The following PCDHGA4 variants were observed in gnomAD, a reference collection of about 807,000 sequenced individuals.
PCDHGA4 encodes protocadherin gamma subfamily A, 4.
In PCDHGA4, 38 loss-of-function variants were observed where a neutral mutation model predicts 54.6. The ratio of observed to expected loss-of-function variants is 0.70; its 90% CI spans 0.54 to 0.91. The LOEUF is 0.91. Ranked by LOEUF, PCDHGA4 falls within the 40% of genes least tolerant of loss-of-function variation. The pLI, the probability that PCDHGA4 is intolerant of heterozygous loss-of-function variation, is 0.00. For missense variants in PCDHGA4, 1,298 were observed against 1,220.9 expected (o/e 1.06, Z -0.94); for synonymous variants, 511 against 512.9 (o/e 1.00, Z 0.05).
intron 1 of PCDHGA4, chr5:141,364,702 C>A: frequency 1.2e-6 from 2 of 1,613,920 alleles, no homozygotes; most frequent in Non-Finnish European, 1.7e-6. Flanking sequence ...TAGAAATAAT[C>A]GATATTAATG....
At position 141,418,260 on chromosome 5, in the gene PCDHGA4, G is replaced by C. The variant is rs144490159; in HGVS notation, c.2514+60639G>C. On this transcript the variant is annotated intron_variant, in intron 1 of 3. Transcript: ENST00000571252. Reference sequence around the variant, plus strand: ...GTTAATGACCACGCCCCTCAATTCCGGAAAGATGAAATAAACTTAGAAATC... The same window carrying C: ...GTTAATGACCACGCCCCTCAATTCCCGAAAGATGAAATAAACTTAGAAATC... 2.5e-6 allele frequency: 4 copies of C among 1,613,888 alleles called. No individual in the cohort carries two copies. Among genetic ancestry groups the C allele is most frequent in the South Asian group, 1.1e-5 (1 of 91,088 alleles).
chr5:141,357,542 G>A lies in PCDHGA4; in HGVS notation c.2435G>A (p.Ser812Asn), dbSNP rs149810895. ...SQPSYADTLISRESCEKSEPL... is the reference protein window; with the variant it reads ...SQPSYADTLINRESCEKSEPL... ...CCCAGCTATGCAGACACGCTCATCA[G>A]CCGGGAGAGTTGTGAGAAAAGCGAG... The change falls in exon 1 of 4, where the codon AGC becomes AAC. Residue 812 changes from serine to asparagine, a missense_variant. Ser to Asn is a conservative substitution (Grantham distance 46). Transcript: ENST00000571252. The A allele has an allele frequency of 2.3e-4, 375 of 1,614,210 alleles. No individual in the cohort carries two copies. In the East Asian group the frequency reaches 8.3e-3, roughly 36 times the overall value.
rs773499765 is a variant in PCDHGA4 at position 141,489,626 on chromosome 5, A to T, written c.2515-5181A>T. 6.2e-6 allele frequency: 10 copies of T among 1,613,568 alleles called. No individual in the cohort carries two copies. In the South Asian group the frequency reaches 9.9e-5, roughly 16 times the overall value. On this transcript the variant is annotated intron_variant, in intron 1 of 3. Coordinates refer to ENST00000571252, the MANE Select transcript of PCDHGA4 (RefSeq NM_018917.4). The surrounding 1 kb of genome is among the most constrained non-coding windows in gnomAD (Gnocchi z 4.5). The stretch of plus-strand genomic sequence containing the variant: ...GTAGAGATCCTGGATCTCAATGACA[A>T]CTCTCCTAGCTTTGCCACCCCTGAG...
chr5:141,388,395 C>G (rs1445370262), intron 1 of PCDHGA4: 2 of 1,613,810 alleles, frequency 1.2e-6, no homozygotes, highest in Non-Finnish European at 8.5e-7. Flanking sequence ...GCAGAATTAC[C>G]AACTCAGTCC....
chr5:141,388,314 G>A (rs752079289), intron 1 of PCDHGA4: 4 of 1,613,824 alleles, frequency 2.5e-6, no homozygotes, highest in South Asian at 1.1e-5. Context: ...GCAAATAAGT[G>A]AGTCTGCACA....
chr5:141,386,866 A>G (rs2150322529), intron 1 of PCDHGA4, among the ~76,000 whole-genome samples: 1 of 152,364 alleles, frequency 6.6e-6, no homozygotes, highest in East Asian at 1.9e-4. Context: ...AGCTATTGCA[A>G]TCAAACTTTC....
chr5:141,490,042 G>A lies in PCDHGA4; in HGVS notation c.2515-4765G>A. On this transcript the variant is annotated intron_variant, in intron 1 of 3. Transcript: ENST00000571252. This position sits in a 1 kb window ranked among gnomAD's most constrained non-coding sequence, Gnocchi z 5.4. ...TCTGCTGCTCCGCCTCAATGCCACT[G>A]ATCCAGACGAGGGCACCAACGGCCA... The A allele has an allele frequency of 6.2e-7, 1 of 1,614,266 alleles. No homozygotes were observed. Among genetic ancestry groups the A allele is most frequent in the Non-Finnish European group, 8.5e-7 (1 of 1,180,038 alleles).
chr5:141,472,412 G>A (rs1283620276), intron 1 of PCDHGA4, among the ~76,000 whole-genome samples: 8 of 151,940 alleles, frequency 5.3e-5, no homozygotes, highest in Non-Finnish European at 8.8e-5. Context: ...GTGGTGGCAC[G>A]CACCTGTATC....
intron 1 of PCDHGA4, chr5:141,360,110 G>A (rs1180892188): frequency 1.3e-6 from 2 of 1,563,150 alleles, no homozygotes; most frequent in Non-Finnish European, 1.7e-6. Context: ...TCCTCCTATG[G>A]GCAAAGGAGC....
rs1429860093 is a variant in PCDHGA4, at chr5:141,487,828, C to A, written c.2515-6979C>A. 3 of 1,184,120 alleles carry A rather than the reference C, an allele frequency of 2.5e-6. No individual in the cohort carries two copies. The highest frequency in any genetic ancestry group is 1.5e-5 in the African/African-American group (1 of 64,540). The allele number at this position is 1,184,120 out of a possible 1,614,324, so 73.4% of individuals were successfully genotyped here. A position where few individuals can be genotyped will look rare whatever the true frequency, so the allele number is the denominator to read the frequency against. ...AGTTTAGCATTGGGGGCGGGTCATG[C>A]CTATATCTGAGTAAGAAATGAAAGT... On this transcript the variant is annotated intron_variant, in intron 1 of 3. Coordinates refer to ENST00000571252, the MANE Select transcript of PCDHGA4 (RefSeq NM_018917.4). The surrounding 1 kb of genome is among the most constrained non-coding windows in gnomAD (Gnocchi z 5.0).
At position 141,430,831 on chromosome 5, in the gene PCDHGA4, G is replaced by A; in HGVS notation, c.2515-63976G>A. ...TGGGAATCCTCCTGGGGACTCTGTGGGAGACCGGATGCACCCAGATACGCT... is the reference window on the plus strand; with the variant it reads ...TGGGAATCCTCCTGGGGACTCTGTGAGAGACCGGATGCACCCAGATACGCT... On this transcript the variant is annotated intron_variant, in intron 1 of 3. Coordinates refer to ENST00000571252, the MANE Select transcript of PCDHGA4 (RefSeq NM_018917.4). 3 of 1,555,334 alleles carry A rather than the reference G, an allele frequency of 1.9e-6. No individual in the cohort carries two copies. In the South Asian group the frequency reaches 3.8e-5, roughly 19 times the overall value.
intron 1 of PCDHGA4, chr5:141,404,708 T>C: frequency 6.2e-7 from 1 of 1,614,064 alleles, no homozygotes; most frequent in Non-Finnish European, 8.5e-7. Context: ...AGAGCCTGGC[T>C]ACCTGGTGAC....
chr5:141,392,713 G>A, intron 1 of PCDHGA4: 3 of 1,363,444 alleles, frequency 2.2e-6, no homozygotes, highest in Non-Finnish European at 2.9e-6. Context: ...AGGCACTCCA[G>A]GTTTCCGGAG....
chr5:141,400,290 C>T, intron 1 of PCDHGA4: 3 of 1,614,090 alleles, frequency 1.9e-6, no homozygotes, highest in Non-Finnish European at 2.5e-6. Context: ...CCGCCTGGAG[C>T]TGCTTCCAAC....
chr5:141,418,832 G>A, intron 1 of PCDHGA4: 1 of 1,614,008 alleles, frequency 6.2e-7, no homozygotes, highest in Non-Finnish European at 8.5e-7. Flanking sequence ...AAAAGACCGA[G>A]GATCTCTCTC....
chr5:141,421,795 GC>G, intron 1 of PCDHGA4: 1 of 1,613,818 alleles, frequency 6.2e-7, no homozygotes, highest in East Asian at 2.2e-5. Context: ...AACGGATGGG[GC>G]CAAGAATCCA....
At chr5:141,459,199 A>G (rs930769883) in intron 1 of PCDHGA4, among the ~76,000 whole-genome samples, 6 of 152,200 alleles carry the variant, frequency 3.9e-5, no homozygotes, top group African/African-American at 1.4e-4. Flanking sequence ...TTTGCAATCA[A>G]TTCACTACTT....
intron 1 of PCDHGA4, among the ~76,000 whole-genome samples, chr5:141,466,637 A>G (rs944728391): frequency 1.1e-4 from 16 of 152,234 alleles, no homozygotes; most frequent in Admixed American, 8.5e-4. Flanking sequence ...CATTGTCTCC[A>G]TAAACTTTTC....
At chr5:141,416,717 A>G (rs1227713508) in intron 1 of PCDHGA4, 1 of 152,256 alleles carries the variant, frequency 6.6e-6, no homozygotes, top group Admixed American at 6.5e-5. Flanking sequence ...GGTACTGATG[A>G]GTTCATTTAG....
Sources: allele counts gnomAD v4.1 joint callset (sites outside exome capture counted in the v4.1 genomes callset), GRCh38; gene constraint gnomAD v4.1.1; non-coding constraint Gnocchi (gnomAD v3.1); transcripts MANE v1.5; gene names NCBI Gene and HGNC (gene_info 2026-07-23, HGNC 2026-07-21).